The following FGF14 variants were observed in gnomAD, a reference collection of about 807,000 sequenced individuals.
FGF14 encodes the protein fibroblast growth factor homologous factor 4.
In FGF14, 5 loss-of-function variants were observed where a neutral mutation model predicts 25.5. That is an observed-to-expected ratio of 0.20 (90% CI 0.10 to 0.41). The LOEUF (loss-of-function observed/expected upper bound fraction) is 0.41. Ranked by LOEUF, FGF14 falls within the 10% of genes least tolerant of loss-of-function variation. The pLI, the probability that FGF14 is intolerant of heterozygous loss-of-function variation, is 1.00. For missense variants in FGF14, 222 were observed against 320.1 expected (o/e 0.69, Z 2.34); for synonymous variants, 138 against 118.3 (o/e 1.17, Z -1.08).
intron 1 of FGF14, among the ~76,000 whole-genome samples, chr13:101,943,315 T>C (rs368266026): frequency 1.1e-4 from 16 of 152,068 alleles, no homozygotes; most frequent in African/African-American, 2.7e-4. Flanking sequence ...TGCTTCAGAG[T>C]AGAAAACCAG....
chr13:101,798,889 G>T (rs1223034621), intron 3 of FGF14, among the ~76,000 whole-genome samples: 1 of 152,090 alleles, frequency 6.6e-6, no homozygotes, highest in Non-Finnish European at 1.5e-5. Flanking sequence ...AACGACCTTG[G>T]CATGACATTT....
chr13:102,280,417 C>T (rs1009760519), intron 1 of FGF14, among the ~76,000 whole-genome samples: 20 of 152,266 alleles, frequency 1.3e-4, no homozygotes, highest in African/African-American at 4.1e-4. Flanking sequence ...CTGATGCTGA[C>T]TGCTCCATGA....
rs946891449 is a variant in FGF14, at chr13:102,322,884, TA to T, written c.208+78586del. Among the ~76,000 whole-genome samples the T allele has an allele frequency of 2.3e-3, 330 of 145,660 alleles. 1 individual carries two copies. The highest frequency in any genetic ancestry group is 5.9e-3 in the African/African-American group (236 of 40,084). Reference sequence around the variant, plus strand: ...TCCAGTCTATCACCAAACTTAACATTAAAAAAAAAAAGTTGCCATGTGATAT... The same window carrying T: ...TCCAGTCTATCACCAAACTTAACATTAAAAAAAAAAGTTGCCATGTGATAT... On this transcript the variant is annotated intron_variant, in intron 1 of 4. Transcript: ENST00000376131.
intron 1 of FGF14, among the ~76,000 whole-genome samples, chr13:101,953,257 C>T (rs79028666): frequency 3.9e-4 from 59 of 152,258 alleles, no homozygotes; most frequent in African/African-American, 1.1e-3. Flanking sequence ...TGTGCACCAA[C>T]GGTTTTATAT....
rs1018877877 is a variant in FGF14 at position 102,400,717 on chromosome 13, C to G, written c.208+754G>C. ...TTAAAAGCAGGAACTCACGGCCTGGCTCATCCCCACCCCTGGCCCTGTGGG... is the reference window on the plus strand; with the variant it reads ...TTAAAAGCAGGAACTCACGGCCTGGGTCATCCCCACCCCTGGCCCTGTGGG... On this transcript the variant is annotated intron_variant, in intron 1 of 4. Transcript: ENST00000376131. The surrounding 1 kb of genome is among the most constrained non-coding windows in gnomAD (Gnocchi z 4.3). Among the ~76,000 whole-genome samples, 4 of 152,228 alleles carry G rather than the reference C, an allele frequency of 2.6e-5. No individual in the cohort carries two copies. The highest frequency in any genetic ancestry group is 9.6e-5 in the African/African-American group (4 of 41,462).
rs76065096 is a variant in FGF14, at chr13:102,159,885, T to C, written c.208+241586A>G. On this transcript the variant is annotated intron_variant, in intron 1 of 4. Transcript: ENST00000376131. The stretch of plus-strand genomic sequence containing the variant: ...GTAACCAGTGTATTTAAGTATCTCA[T>C]CTCAGTGAGGTATGCCACTGAAAAA... Among the ~76,000 whole-genome samples the C allele has an allele frequency of 9.6e-3, 1,463 of 152,340 alleles. 16 individuals carry two copies. The highest frequency in any genetic ancestry group is 0.02 in the Middle Eastern group (6 of 294).
chr13:102,247,334 C>T (rs981526211), intron 1 of FGF14, among the ~76,000 whole-genome samples: 1 of 151,786 alleles, frequency 6.6e-6, no homozygotes, highest in African/African-American at 2.4e-5. Flanking sequence ...GCAAATTATG[C>T]ATCTGAGGTC....
chr13:101,748,685 T>C (rs2031402119), intron 3 of FGF14, among the ~76,000 whole-genome samples: 3 of 148,030 alleles, frequency 2.0e-5, no homozygotes, highest in Non-Finnish European at 4.4e-5. Context: ...TTGGAGTCTG[T>C]GTGCATTGTT....
chr13:102,238,854 G>A (rs4083648), intron 1 of FGF14, among the ~76,000 whole-genome samples: 14,132 of 152,136 alleles, frequency 0.093, 775 homozygotes, highest in East Asian at 0.22. Flanking sequence ...TGTGACTTAT[G>A]TGTCTGGTTC....
rs532893183 is a variant in FGF14 at position 102,273,032 on chromosome 13, C to T, written c.208+128439G>A. ...TGATATCATATCCTATGACCTGTCA[C>T]GAAATAAATAAAAACTAGTTATGTG... On this transcript the variant is annotated intron_variant, in intron 1 of 4. Coordinates refer to the FGF14 transcript ENST00000376131. Among the ~76,000 whole-genome samples the T allele has an allele frequency of 1.9e-3, 286 of 152,154 alleles. 2 individuals carry two copies. The highest frequency in any genetic ancestry group is 6.3e-3 in the African/African-American group (260 of 41,518).
At chr13:101,907,962 T>A (rs1031640234) in intron 1 of FGF14, among the ~76,000 whole-genome samples, 2 of 152,134 alleles carry the variant, frequency 1.3e-5, no homozygotes, top group Non-Finnish European at 2.9e-5. Flanking sequence ...AATGGATAGA[T>A]CTGCAGATAG....
rs540048539 is a variant in FGF14 at position 101,881,980 on chromosome 13, A to G, written c.194-6684T>C. On this transcript the variant is annotated intron_variant, in intron 1 of 4. Coordinates refer to ENST00000376143, the MANE Select transcript of FGF14 (RefSeq NM_004115.4). ...TACATATGTCCCAGATTATGAAGCAAAGAGGATTTTATGTAAGTTCTTAAA... is the reference window on the plus strand; with the variant it reads ...TACATATGTCCCAGATTATGAAGCAGAGAGGATTTTATGTAAGTTCTTAAA... Among the ~76,000 whole-genome samples, 9 of 152,298 alleles carry G rather than the reference A, an allele frequency of 5.9e-5. No individual in the cohort carries two copies. In the South Asian group the frequency reaches 1.2e-3, roughly 21 times the overall value.
At chr13:102,172,041 G>C (rs191602421) in intron 1 of FGF14, among the ~76,000 whole-genome samples, 7 of 150,776 alleles carry the variant, frequency 4.6e-5, no homozygotes, top group Admixed American at 4.6e-4. Context: ...TGTTGCTTAG[G>C]CTGGTCTTGA....
intron 1 of FGF14, among the ~76,000 whole-genome samples, chr13:102,198,331 C>T (rs1456112020): frequency 6.6e-6 from 1 of 152,218 alleles, no homozygotes; most frequent in African/African-American, 2.4e-5. Flanking sequence ...TGTCTTCTGA[C>T]TGTAGAATTC....
At chr13:101,908,651 A>C (rs2032540278) in intron 1 of FGF14, among the ~76,000 whole-genome samples, 1 of 152,190 alleles carries the variant, frequency 6.6e-6, no homozygotes, top group South Asian at 2.1e-4. Flanking sequence ...ATATCATGAA[A>C]ATGGCCATAC....
chr13:102,358,669 A>C (rs1177630227), intron 1 of FGF14, among the ~76,000 whole-genome samples: 2 of 152,260 alleles, frequency 1.3e-5, no homozygotes, highest in Admixed American at 6.5e-5. Flanking sequence ...CATTCTCTGC[A>C]TGGACCACAA....
intron 1 of FGF14, among the ~76,000 whole-genome samples, chr13:102,051,635 G>A (rs145588589): frequency 0.011 from 1,662 of 152,274 alleles, 19 homozygotes; most frequent in Admixed American, 0.017. Context: ...GAGGATCCCT[G>A]CAACATTTGC....
At chr13:102,159,013 A>C (rs2047495583) in intron 1 of FGF14, among the ~76,000 whole-genome samples, 1 of 151,002 alleles carries the variant, frequency 6.6e-6, no homozygotes, top group Non-Finnish European at 1.5e-5. Context: ...GGTGGCATGC[A>C]CCTGTAATCC....
At chr13:101,882,124 T>C (rs970709393) in intron 1 of FGF14, among the ~76,000 whole-genome samples, 6 of 151,980 alleles carry the variant, frequency 3.9e-5, no homozygotes, top group Non-Finnish European at 7.4e-5. Context: ...AGATTTAACA[T>C]ATTCAGCTAA....
Sources: gnomAD v4.1 joint callset for allele counts (sites outside exome capture counted in the v4.1 genomes callset) on GRCh38, gnomAD v4.1.1 for gene constraint, Gnocchi (gnomAD v3.1) non-coding constraint, MANE v1.5 for transcripts, NCBI Gene and HGNC (gene_info 2026-07-23, HGNC 2026-07-21) for gene names.